Variants in PDE3A observed in about 807,000 individuals in gnomAD.
PDE3A encodes the protein cGMP-inhibited 3',5'-cyclic phosphodiesterase 3A.
Under a neutral mutation model 98.3 loss-of-function variants are expected in PDE3A, and 43 were observed. The observed-to-expected ratio is 0.44, with a 90% CI of 0.34 to 0.56. The LOEUF (loss-of-function observed/expected upper bound fraction) is 0.56. Ranked by LOEUF, PDE3A falls within the 20% of genes least tolerant of loss-of-function variation. The pLI is 0.01. For synonymous variants in PDE3A, 663 were observed against 567.9 expected, an observed-to-expected ratio of 1.17 and a Z score of -2.38; for missense variants, 1,427 against 1,440.7, an observed-to-expected ratio of 0.99 and a Z score of 0.15.
At chr12:20,581,797 A>G (rs1325437727) in intron 2 of PDE3A, among the ~76,000 whole-genome samples, 2 of 151,642 alleles carry the variant, frequency 1.3e-5, no homozygotes, top group African/African-American at 2.4e-5. Context: ...TATTTTTAGT[A>G]GAGACGGGGT....
Position 20,369,655 on chromosome 12 carries a change from C to T in PDE3A, c.371C>T (p.Ala124Val), listed in dbSNP as rs767740035. 1 of 1,601,918 alleles carries T rather than the reference C, an allele frequency of 6.2e-7. No individual in the cohort carries two copies. Residue 124 changes from alanine to valine, a missense_variant, in exon 1 of 16, where the codon GCG becomes GTG. Ala to Val is a moderately conservative substitution (Grantham distance 64). Transcript: ENST00000359062. ...CGGGGAGGTGCTCCCGGGGGCGGTG[C>T]GCGGCTCAGCCCCTGGCTGCAGCCC... is the stretch of plus-strand genomic sequence containing the variant. Reference protein sequence around the residue: ...GPRGGAPGGGARLSPWLQPSA... With the variant: ...GPRGGAPGGGVRLSPWLQPSA...
At position 20,552,591 on chromosome 12, in the gene PDE3A, T is replaced by A; in HGVS notation, c.961-4069T>A. ...AGTGGAAGCGGAAGTCGGCAGGAGG[T>A]GGCCCGAGCAGGGCCGGGTCCCCGC... On this transcript the variant is annotated intron_variant, in intron 1 of 15. Transcript: ENST00000359062. The surrounding 1 kb of genome is among the most constrained non-coding windows in gnomAD (Gnocchi z 5.1). 2 of 1,613,398 alleles carry A rather than the reference T, an allele frequency of 1.2e-6. No individual in the cohort carries two copies. The highest frequency in any genetic ancestry group is 1.7e-6 in the Non-Finnish European group (2 of 1,179,770).
chr12:20,558,200 T>C (rs76931114), intron 2 of PDE3A, among the ~76,000 whole-genome samples: 31,095 of 146,784 alleles, frequency 0.21, 3,363 homozygotes, highest in South Asian at 0.27. Context: ...TCAATATAAA[T>C]TGACAAAAAA....
intron 8 of PDE3A, among the ~76,000 whole-genome samples, chr12:20,636,101 T>C (rs1478970260): frequency 1.3e-5 from 2 of 152,214 alleles, no homozygotes; most frequent in Admixed American, 1.3e-4. Flanking sequence ...TTCTCTAGTA[T>C]CTCCTTGACT....
intron 15 of PDE3A, among the ~76,000 whole-genome samples, chr12:20,667,648 C>A (rs1945350111): frequency 6.6e-6 from 1 of 152,118 alleles, no homozygotes; most frequent in Admixed American, 6.6e-5. Flanking sequence ...TATACTAACA[C>A]CATGCTGTTT....
intron 1 of PDE3A, among the ~76,000 whole-genome samples, chr12:20,423,214 A>G (rs1165884123): frequency 1.3e-5 from 2 of 152,236 alleles, no homozygotes; most frequent in African/African-American, 2.4e-5. Context: ...ATTGAGCCCA[A>G]TAAATCCTTG....
At chr12:20,428,869 TAATA>T (rs1272465306) in intron 1 of PDE3A, among the ~76,000 whole-genome samples, 1 of 152,168 alleles carries the variant, frequency 6.6e-6, no homozygotes, top group Non-Finnish European at 1.5e-5. Context: ...TCATCTGAAA[TAATA>T]TAATGAGCAA....
chr12:20,415,136 CT>C (rs1944401896), intron 1 of PDE3A, among the ~76,000 whole-genome samples: 1 of 149,402 alleles, frequency 6.7e-6, no homozygotes, highest in South Asian at 2.1e-4. Context: ...TTTTTCCTTT[CT>C]TTTTGTATCA....
intron 15 of PDE3A, among the ~76,000 whole-genome samples, chr12:20,669,935 G>C (rs569563836): frequency 6.6e-6 from 1 of 152,136 alleles, no homozygotes; most frequent in African/African-American, 2.4e-5. Flanking sequence ...ACCAATCAGT[G>C]TGCTGTATTC....
chr12:20,371,295 A>G, intron 1 of PDE3A: 2 of 948,496 alleles, frequency 2.1e-6, no homozygotes, highest in Non-Finnish European at 2.5e-6. Context: ...ACCGAAGGGT[A>G]TGCCTCCCTA....
chr12:20,682,541 C>T lies in PDE3A; in HGVS notation c.*2270C>T, dbSNP rs564373215. ...AAAAAGGATCAAGTGGATGCAGCCT[C>T]TACCTAAATAATTAAAATATATTTC... On this transcript the variant is annotated 3_prime_UTR_variant, in exon 16 of 16. Transcript: ENST00000359062. 6.6e-6 allele frequency: 1 copy of T among 152,274 alleles called. No individual in the cohort carries two copies. Among genetic ancestry groups the T allele is most frequent in the South Asian group, 2.1e-4 (1 of 4,830 alleles). 9.4% of individuals were successfully genotyped at this position (152,274 alleles called of 1,614,324 possible).
chr12:20,463,908 A>G (rs1488883616), intron 1 of PDE3A, among the ~76,000 whole-genome samples: 1 of 151,966 alleles, frequency 6.6e-6, no homozygotes, highest in Non-Finnish European at 1.5e-5. Context: ...CTTGTTTTAG[A>G]CTTTTCTATT....
At chr12:20,636,279 C>G (rs1262808207) in intron 8 of PDE3A, among the ~76,000 whole-genome samples, 1 of 152,150 alleles carries the variant, frequency 6.6e-6, no homozygotes, top group African/African-American at 2.4e-5. Context: ...GGGGAGGTGG[C>G]AAGTGGTAGA....
chr12:20,446,370 G>C (rs1199632666), intron 1 of PDE3A, among the ~76,000 whole-genome samples: 1 of 152,124 alleles, frequency 6.6e-6, no homozygotes, highest in Non-Finnish European at 1.5e-5. Flanking sequence ...GATGGGGTGA[G>C]GGAAAACATT....
chr12:20,687,540 G>A lies in PDE3A; in HGVS notation c.*7269G>A, dbSNP rs1946003466. On this transcript the variant is annotated 3_prime_UTR_variant, in exon 16 of 16. Transcript: ENST00000359062. ...TATGACTGTCAGTTTATGTCTTAATGTATTCTCACAGAAGAATGCATACCA... is the reference window on the plus strand; with the variant it reads ...TATGACTGTCAGTTTATGTCTTAATATATTCTCACAGAAGAATGCATACCA... Among the ~76,000 whole-genome samples, 2 of 151,872 alleles carry A rather than the reference G, an allele frequency of 1.3e-5. No homozygotes were observed. Among genetic ancestry groups the A allele is most frequent in the Non-Finnish European group, 2.9e-5 (2 of 67,920 alleles).
intron 1 of PDE3A, among the ~76,000 whole-genome samples, chr12:20,388,822 T>C (rs562855432): frequency 1.2e-4 from 18 of 152,182 alleles, no homozygotes; most frequent in African/African-American, 4.3e-4. Context: ...AGGAACTTTA[T>C]ACATTTCCAT....
intron 2 of PDE3A, among the ~76,000 whole-genome samples, chr12:20,562,440 G>A (rs770791904): frequency 2.6e-5 from 4 of 151,574 alleles, no homozygotes; most frequent in African/African-American, 9.7e-5. Flanking sequence ...GCATGATTTC[G>A]ATCTCCTGAC....
intron 15 of PDE3A, among the ~76,000 whole-genome samples, chr12:20,676,267 G>A (rs978888105): frequency 6.6e-6 from 1 of 152,128 alleles, no homozygotes; most frequent in Non-Finnish European, 1.5e-5. Context: ...GTCTAGTGGT[G>A]ATGAATTCTC....
At chr12:20,526,160 A>G (rs1451619070) in intron 1 of PDE3A, among the ~76,000 whole-genome samples, 1 of 152,152 alleles carries the variant, frequency 6.6e-6, no homozygotes, top group Admixed American at 6.5e-5. Flanking sequence ...GAGGGGTGAG[A>G]CATATCTTCA....
Sources: allele counts gnomAD v4.1 joint callset (sites outside exome capture counted in the v4.1 genomes callset), GRCh38; gene constraint gnomAD v4.1.1; non-coding constraint Gnocchi (gnomAD v3.1); transcripts MANE v1.5; gene names NCBI Gene and HGNC (gene_info 2026-07-23, HGNC 2026-07-21).